SPHKAP: variants seen among roughly 807,000 people sequenced by gnomAD.
SPHKAP encodes the protein A-kinase anchor protein SPHKAP.
A neutral mutation model predicts 137.5 loss-of-function variants in SPHKAP; 67 were observed. The ratio of observed to expected loss-of-function variants is 0.49; its 90% CI spans 0.40 to 0.60. The LOEUF is 0.60. Ranked by LOEUF, SPHKAP falls within the 20% of genes least tolerant of loss-of-function variation. The pLI, the probability that SPHKAP is intolerant of heterozygous loss-of-function variation, is 0.00. For missense variants in SPHKAP, 2,097 were observed against 2,069.3 expected, an observed-to-expected ratio of 1.01 and a Z score of -0.26; for synonymous variants, 813 against 785.3, an observed-to-expected ratio of 1.04 and a Z score of -0.59.
chr2:228,033,264 G>A (rs953310303), intron 3 of SPHKAP, among the ~76,000 whole-genome samples: 1 of 152,048 alleles, frequency 6.6e-6, no homozygotes, highest in Non-Finnish European at 1.5e-5. Context: ...AACTAACAAA[G>A]ATCAAAAGAG....
rs779563361 is a variant in SPHKAP, at chr2:228,017,880, C to T, written c.2974G>A (p.Val992Met). The T allele has an allele frequency of 1.2e-5, 19 of 1,613,934 alleles. No individual in the cohort carries two copies. The highest frequency in any genetic ancestry group is 1.6e-5 in the Non-Finnish European group (19 of 1,179,992). Residue 992 changes from valine (V) to methionine (M), a missense_variant, in exon 7 of 12, where the codon GTG becomes ATG. Transcript: ENST00000392056. Reference protein sequence around the residue: ...KKESQGSGTAVRKHKPPRLSE... With the variant: ...KKESQGSGTAMRKHKPPRLSE... ...AGCCGGGGAGGCTTGTGTTTCCTCA[C>T]AGCGGTCCCGCTCCCCTGGCTCTCT...
intron 1 of SPHKAP, among the ~76,000 whole-genome samples, chr2:228,154,504 C>CTATA (rs1559203866): frequency 2.3e-3 from 65 of 28,058 alleles, no homozygotes; most frequent in East Asian, 6.7e-3. Context: ...CTCTCTCTCT[C>CTATA]TCTCTCTCTA....
At chr2:228,127,908 C>CA (rs1202795931) in intron 2 of SPHKAP, among the ~76,000 whole-genome samples, 1 of 151,662 alleles carries the variant, frequency 6.6e-6, no homozygotes, top group Non-Finnish European at 1.5e-5. Context: ...GCATTATAAC[C>CA]AAAAAAGTAT....
intron 3 of SPHKAP, among the ~76,000 whole-genome samples, chr2:228,042,165 G>A (rs1447198282): frequency 6.6e-6 from 1 of 152,152 alleles, no homozygotes; most frequent in African/African-American, 2.4e-5. Context: ...GGAAGGAGCT[G>A]CATTTAGGTC....
At chr2:228,162,899 A>G (rs1700316505) in intron 1 of SPHKAP, among the ~76,000 whole-genome samples, 1 of 152,146 alleles carries the variant, frequency 6.6e-6, no homozygotes, top group Non-Finnish European at 1.5e-5. Context: ...GGGTTTCACC[A>G]TGTTGGTCAG....
In SPHKAP at chr2:228,017,920, G is replaced by A; in HGVS notation, c.2934C>T (p.Ser978=). The change falls in exon 7 of 12, where the codon TCC becomes TCT. Residue 978 remains serine (S), a synonymous_variant. Coordinates refer to ENST00000392056, the MANE Select transcript of SPHKAP (RefSeq NM_001142644.2). ...FLMTPNVPCR[S]LKRKKESQGS... Reference sequence around the variant, plus strand: ...CCTGGCTCTCTTTCTTCCTCTTCAAGGATCGGCAGGGTACGTTGGGTGTCA... The same window carrying A: ...CCTGGCTCTCTTTCTTCCTCTTCAAAGATCGGCAGGGTACGTTGGGTGTCA... The A allele has an allele frequency of 6.2e-7, 1 of 1,614,126 alleles. No homozygotes were observed. Among genetic ancestry groups the A allele is most frequent in the African/African-American group, 1.3e-5 (1 of 75,012 alleles).
intron 1 of SPHKAP, among the ~76,000 whole-genome samples, chr2:228,140,281 G>A (rs1185094750): frequency 1.3e-5 from 2 of 151,310 alleles, no homozygotes; most frequent in Non-Finnish European, 2.9e-5. Context: ...AAAAAAATGA[G>A]GTATATATTT....
At chr2:228,157,948 T>C (rs1700155621) in intron 1 of SPHKAP, among the ~76,000 whole-genome samples, 1 of 152,224 alleles carries the variant, frequency 6.6e-6, no homozygotes, top group Non-Finnish European at 1.5e-5. Flanking sequence ...TAAGCCATGG[T>C]TATTAGCCTG....
At chr2:228,150,255 C>T (rs1699890316) in intron 1 of SPHKAP, among the ~76,000 whole-genome samples, 1 of 152,168 alleles carries the variant, frequency 6.6e-6, no homozygotes, top group Non-Finnish European at 1.5e-5. Context: ...TTCTTTTGAT[C>T]ATGAATGAGA....
intron 3 of SPHKAP, among the ~76,000 whole-genome samples, chr2:228,048,593 A>T (rs1163262452): frequency 6.6e-6 from 1 of 152,074 alleles, no homozygotes; most frequent in Non-Finnish European, 1.5e-5. Context: ...TTTTACTGTA[A>T]TTTTTTTAAT....
At position 228,149,863 on chromosome 2, in the gene SPHKAP, A is replaced by C. The variant is rs115254119; in HGVS notation, c.33-17778T>G. Among the ~76,000 whole-genome samples the C allele has an allele frequency of 9.7e-3, 1,480 of 152,280 alleles. 16 individuals are homozygous for C. The highest frequency in any genetic ancestry group is 0.034 in the African/African-American group (1,408 of 41,558). On this transcript the variant is annotated intron_variant, in intron 1 of 11. Transcript: ENST00000392056. ...TTATTTTTTTATTTTCTATGTACAC[A>C]ATCAAATAAACTGGAAATGCTCAGA...
intron 11 of SPHKAP, 120 bp from the exon 12 acceptor site, chr2:227,981,980 G>A: frequency 1.5e-6 from 2 of 1,358,920 alleles, no homozygotes; most frequent in South Asian, 4.1e-5. Context: ...TCTAGTGTCA[G>A]AGGACTGTTT....
Position 227,981,951 on chromosome 2 carries a change from C to T in SPHKAP, c.4960-91G>A. 34 of 1,468,178 alleles carry T rather than the reference C, an allele frequency of 2.3e-5. No individual in the cohort carries two copies. In the South Asian group the frequency reaches 2.7e-4, roughly 12 times the overall value. 90.9% of individuals were successfully genotyped at this position (1,468,178 alleles called of 1,614,324 possible). ...CACCCTCGCGAAGCCAATGGCTCTC[C>T]AGTCTCTGTTTAAATGTCTCTAGTG... is the stretch of plus-strand genomic sequence containing the variant. On this transcript the variant is annotated intron_variant, in intron 11 of 11. Transcript: ENST00000392056.
rs1231695512 is a variant in SPHKAP, at chr2:228,020,060, A to G, written c.794T>C (p.Leu265Pro). Residue 265 changes from leucine (L) to proline (P), a missense_variant, in exon 7 of 12, where the codon CTT becomes CCT. Physicochemically the swap from Leu to Pro is moderately conservative, Grantham distance 98. Transcript: ENST00000392056. The part of the protein sequence containing the change: ...VEWNCNKEKW[L>P]YALEDKYINK... Reference sequence around the variant, plus strand: ...GATGTATTTGTCTTCCAAAGCATAAAGCCACTTTTCCTTGTTGCAATTCCA... The same window carrying G: ...GATGTATTTGTCTTCCAAAGCATAAGGCCACTTTTCCTTGTTGCAATTCCA... 1.2e-6 allele frequency: 2 copies of G among 1,614,180 alleles called. No homozygotes were observed. Among genetic ancestry groups the G allele is most frequent in the Non-Finnish European group, 1.7e-6 (2 of 1,180,032 alleles).
In SPHKAP at chr2:228,176,776, C is replaced by T. The variant is rs143743437; in HGVS notation, c.32+4791G>A. ...ATCCCAGCTACTTGGGAGGCTGAGG[C>T]GGGAGAATCGCTCAAATCCCGGAGG... On this transcript the variant is annotated intron_variant, in intron 1 of 11. Transcript: ENST00000392056. 8.9e-3 allele frequency among the ~76,000 whole-genome samples: 1,350 copies of T among 152,262 alleles called. 16 individuals are homozygous for T. Among genetic ancestry groups the T allele is most frequent in the African/African-American group, 0.024 (980 of 41,540 alleles).
rs946830352 is a variant in SPHKAP, at chr2:228,027,520, C to T, written c.270G>A (p.Val90=). The T allele has an allele frequency of 6.2e-7, 1 of 1,613,872 alleles. No homozygotes were observed. The highest frequency in any genetic ancestry group is 1.3e-5 in the African/African-American group (1 of 75,006). The part of the protein sequence containing the change: ...CASVCFVNLD[V]NKDECSTEHL... ...GCTCTGTGCTGCATTCATCCTTGTT[C>T]ACATCAAGATTCACAAAGCAGACCT... Residue 90 remains valine, a synonymous_variant, in exon 4 of 12, where the codon GTG becomes GTA. Transcript: ENST00000392056.
At chr2:228,093,859 C>CAAAAAAAAAAAAAAAAAAAAAAAA (rs11336381) in intron 3 of SPHKAP, among the ~76,000 whole-genome samples, 2 of 77,110 alleles carry the variant, frequency 2.6e-5, no homozygotes, top group Non-Finnish European at 2.3e-5. Context: ...GACTCCGTTT[C>CAAAAAAAAAAAAAAAAAAAAAAAA]AAAAAAAAAA....
Position 228,019,760 on chromosome 2 carries a change from T to A in SPHKAP, c.1094A>T (p.Asn365Ile), listed in dbSNP as rs1694762904. ...SACAVAEQRS[N>I]LNPGDHEDTR... is the part of the protein sequence containing the mutation. ...GTCTTCATGGTCTCCTGGGTTTAGG[T>A]TGCTTCTCTGCTCTGCCACAGCACA... The change falls in exon 7 of 12, where the codon AAC (asparagine) becomes ATC (isoleucine). Residue 365 changes from asparagine (N) to isoleucine (I), a missense_variant. Asn to Ile is a moderately radical substitution (Grantham distance 149). Transcript: ENST00000392056. 6.2e-7 allele frequency: 1 copy of A among 1,614,062 alleles called. No homozygotes were observed. The highest frequency in any genetic ancestry group is 1.1e-5 in the South Asian group (1 of 91,084).
intron 1 of SPHKAP, among the ~76,000 whole-genome samples, chr2:228,160,527 T>G (rs1700242855): frequency 6.6e-6 from 1 of 152,120 alleles, no homozygotes; most frequent in Non-Finnish European, 1.5e-5. Flanking sequence ...TATAAAACCA[T>G]CAGACCTTGT....
Sources: gnomAD v4.1 joint callset for allele counts (sites outside exome capture counted in the v4.1 genomes callset) on GRCh38, gnomAD v4.1.1 for gene constraint, MANE v1.5 for transcripts, NCBI Gene and HGNC (gene_info 2026-07-23, HGNC 2026-07-21) for gene names.